The following SENP7 variants were observed in gnomAD, a reference collection of about 807,000 sequenced individuals.
SENP7 encodes the protein SUMO specific peptidase 7, also known as sentrin-specific protease 7.
A neutral mutation model predicts 141.2 loss-of-function variants in SENP7; 64 were observed. The observed-to-expected ratio is 0.45, with a 90% confidence interval of 0.37 to 0.56. The LOEUF (loss-of-function observed/expected upper bound fraction) is 0.56. Ranked by LOEUF, SENP7 falls within the 20% of genes least tolerant of loss-of-function variation. The pLI, the probability that SENP7 is intolerant of heterozygous loss-of-function variation, is 0.00. For missense variants in SENP7, 1,025 were observed against 1,212.2 expected (o/e 0.85, Z 2.29); for synonymous variants, 382 against 426.4 (o/e 0.90, Z 1.28).
intron 14 of SENP7, among the ~76,000 whole-genome samples, chr3:101,341,994 T>C (rs1034023163): frequency 6.6e-6 from 1 of 152,186 alleles, no homozygotes; most frequent in Non-Finnish European, 1.5e-5. Flanking sequence ...TGAAGTACTA[T>C]TTGCAGATAT....
At chr3:101,380,465 AAACAT>A (rs1301161113) in intron 6 of SENP7, among the ~76,000 whole-genome samples, 2 of 149,788 alleles carry the variant, frequency 1.3e-5, no homozygotes, top group Non-Finnish European at 3.0e-5. Flanking sequence ...ACACAAAACA[AAACAT>A]AACTAATTTT....
At chr3:101,363,927 AAG>A (rs1392157130) in intron 10 of SENP7, among the ~76,000 whole-genome samples, 1 of 152,220 alleles carries the variant, frequency 6.6e-6, no homozygotes, top group Non-Finnish European at 1.5e-5. Context: ...AATAATAAGA[AAG>A]AGTACCAGCT....
chr3:101,336,436 A>C (rs991607688), intron 17 of SENP7, among the ~76,000 whole-genome samples: 6 of 152,200 alleles, frequency 3.9e-5, no homozygotes, highest in African/African-American at 1.4e-4. Context: ...CTAGAAGTTA[A>C]AAGGTAAAGA....
At chr3:101,502,244 T>C (rs1044070873) in intron 1 of SENP7, among the ~76,000 whole-genome samples, 2 of 152,236 alleles carry the variant, frequency 1.3e-5, no homozygotes, top group Non-Finnish European at 2.9e-5. Flanking sequence ...GGTCAGCGTA[T>C]TACCCATCTG....
intron 4 of SENP7, among the ~76,000 whole-genome samples, chr3:101,452,321 A>G (rs1196729417): frequency 6.6e-6 from 1 of 152,256 alleles, no homozygotes; most frequent in African/African-American, 2.4e-5. Context: ...TGGCATCCCC[A>G]TCAAGCTACC....
At chr3:101,394,410 G>A (rs544736515) in intron 6 of SENP7, among the ~76,000 whole-genome samples, 21 of 152,276 alleles carry the variant, frequency 1.4e-4, no homozygotes, top group African/African-American at 4.3e-4. Flanking sequence ...AAACATGGTA[G>A]GTGCATGTAT....
At chr3:101,438,753 C>T (rs146621441) in intron 4 of SENP7, among the ~76,000 whole-genome samples, 11 of 152,168 alleles carry the variant, frequency 7.2e-5, no homozygotes, top group African/African-American at 1.2e-4. Flanking sequence ...CCTATAAGGG[C>T]GTGACCAGAT....
chr3:101,447,766 G>A (rs2062950939), intron 4 of SENP7, among the ~76,000 whole-genome samples: 1 of 150,140 alleles, frequency 6.7e-6, no homozygotes. Context: ...AAGAAACCCA[G>A]AACAGCTCCA....
chr3:101,401,484 C>T (rs373898129), intron 5 of SENP7, among the ~76,000 whole-genome samples: 1 of 149,828 alleles, frequency 6.7e-6, no homozygotes, highest in Admixed American at 6.7e-5. Flanking sequence ...AGCCAAGATA[C>T]TGCCACTGCA....
rs760302626 is a variant in SENP7 at position 101,348,077 on chromosome 3, T to TA, written c.1658-27dup. On this transcript the variant is annotated intron_variant, in intron 12 of 23. Coordinates refer to ENST00000394095, the MANE Select transcript of SENP7 (RefSeq NM_020654.5). Reference sequence around the variant, plus strand: ...CTGAAACAAATAAAAGACAACAATTTAAAAAATTAATCCATTTAAGAATAC... The same window carrying TA: ...CTGAAACAAATAAAAGACAACAATTTAAAAAAATTAATCCATTTAAGAATAC... 5.3e-6 allele frequency: 8 copies of TA among 1,499,868 alleles called. No individual in the cohort carries two copies. In the South Asian group the frequency reaches 1.1e-4, roughly 21 times the overall value. 92.9% of individuals were successfully genotyped at this position (1,499,868 alleles called of 1,614,324 possible).
chr3:101,386,316 T>C (rs2060649472), intron 6 of SENP7, among the ~76,000 whole-genome samples: 1 of 152,162 alleles, frequency 6.6e-6, no homozygotes, highest in African/African-American at 2.4e-5. Context: ...GAAGTCCATG[T>C]TCCACTGAAG....
intron 1 of SENP7, among the ~76,000 whole-genome samples, chr3:101,504,356 G>A (rs1429435726): frequency 1.3e-5 from 2 of 151,292 alleles, no homozygotes; most frequent in Admixed American, 1.3e-4. Flanking sequence ...CTACTCAGGA[G>A]GCTGAGACAG....
intron 2 of SENP7, among the ~76,000 whole-genome samples, chr3:101,497,478 C>T (rs1287288741): frequency 6.6e-6 from 1 of 151,246 alleles, no homozygotes. Context: ...AAGCATCTTG[C>T]AGTGCCAAAA....
chr3:101,463,037 C>T (rs953421243), intron 3 of SENP7, among the ~76,000 whole-genome samples: 1 of 152,002 alleles, frequency 6.6e-6, no homozygotes, highest in Non-Finnish European at 1.5e-5. Context: ...CCTTATTATA[C>T]AAAGAATTTC....
chr3:101,495,797 A>T (rs2065138904), intron 2 of SENP7, among the ~76,000 whole-genome samples: 1 of 152,196 alleles, frequency 6.6e-6, no homozygotes, highest in African/African-American at 2.4e-5. Flanking sequence ...GCTGGCCTTA[A>T]TATCTAGGTG....
At chr3:101,490,939 A>G (rs1403883908) in intron 3 of SENP7, among the ~76,000 whole-genome samples, 3 of 152,332 alleles carry the variant, frequency 2.0e-5, no homozygotes, top group South Asian at 2.1e-4. Flanking sequence ...TGCCACTTCC[A>G]ATCTCAAACA....
intron 9 of SENP7, among the ~76,000 whole-genome samples, chr3:101,365,194 G>T (rs1180454363): frequency 1.3e-5 from 2 of 151,444 alleles, no homozygotes; most frequent in Non-Finnish European, 2.9e-5. Flanking sequence ...GTAGAGACAG[G>T]GTTTCACCAT....
chr3:101,414,347 A>G (rs1272736007), intron 5 of SENP7: 3 of 787,516 alleles, frequency 3.8e-6, no homozygotes, highest in Admixed American at 1.7e-5. Context: ...GAGGACAGCC[A>G]GGCCTCCCTG....
At chr3:101,456,893 C>G (rs1052380439) in intron 4 of SENP7, among the ~76,000 whole-genome samples, 3 of 152,172 alleles carry the variant, frequency 2.0e-5, no homozygotes, top group African/African-American at 7.2e-5. Context: ...TCCCAAAGTG[C>G]TGGGACTACA....
Sources: gnomAD v4.1 joint callset for allele counts (sites outside exome capture counted in the v4.1 genomes callset) on GRCh38, gnomAD v4.1.1 for gene constraint, MANE v1.5 for transcripts, NCBI Gene and HGNC (gene_info 2026-07-23, HGNC 2026-07-21) for gene names.